CDR2L: variants seen among roughly 807,000 people sequenced by gnomAD.
CDR2L encodes cerebellar degeneration related protein 2 like.
Under a neutral mutation model 36.1 loss-of-function variants are expected in CDR2L, and 19 were observed. The ratio of observed to expected loss-of-function variants is 0.53; its 90% confidence interval spans 0.37 to 0.77. The LOEUF is 0.77. Among genes scored for constraint, CDR2L ranks in the 30% least tolerant of loss-of-function variants. The probability of loss-of-function intolerance (pLI) is 0.00; values close to 1 mark genes in which losing one functional copy is unlikely to be tolerated. For synonymous variants in CDR2L, 285 were observed against 280.4 expected, an observed-to-expected ratio of 1.02 and a Z score of -0.16; for missense variants, 575 against 627.2, an observed-to-expected ratio of 0.92 and a Z score of 0.89.
In CDR2L at chr17:75,002,276, G is replaced by A. The variant is rs1184484453; in HGVS notation, c.506+48G>A. 1.3e-6 allele frequency: 2 copies of A among 1,542,826 alleles called. No homozygotes were observed. Among genetic ancestry groups the A allele is most frequent in the Non-Finnish European group, 1.8e-6 (2 of 1,135,642 alleles). ...GTCTCTGGGATTGCCAGCCATGGGA[G>A]GAAGGAGAGGCAGCAGGCAGCAGGG... is the stretch of plus-strand genomic sequence containing the variant. On this transcript the variant is annotated intron_variant, in intron 4 of 4. Coordinates refer to ENST00000337231, the MANE Select transcript of CDR2L (RefSeq NM_014603.3). The surrounding 1 kb of genome is among the most constrained non-coding windows in gnomAD (Gnocchi z 4.1).
At position 75,004,145 on chromosome 17, in the gene CDR2L, C is replaced by G. The variant is rs943209281; in HGVS notation, c.*71C>G. 7.2e-7 allele frequency: 1 copy of G among 1,379,754 alleles called. No homozygotes were observed. Among genetic ancestry groups the G allele is most frequent in the Non-Finnish European group, 9.8e-7 (1 of 1,023,710 alleles). 85.5% of individuals were successfully genotyped at this position (1,379,754 alleles called of 1,614,324 possible). A position where few individuals can be genotyped will look rare whatever the true frequency, so the allele number is the denominator to read the frequency against. On this transcript the variant is annotated 3_prime_UTR_variant, in exon 5 of 5. Transcript: ENST00000337231. The stretch of plus-strand genomic sequence containing the variant: ...CCCTCAGGCCTGGGCGGTGCAGCTT[C>G]CAGAGAGCGAGCGCCCTTTAGCGGC...
Position 75,001,582 on chromosome 17 carries a change from G to A in CDR2L, c.341+93G>A, listed in dbSNP as rs2039867536. On this transcript the variant is annotated intron_variant, in intron 3 of 4. Coordinates refer to ENST00000337231, the MANE Select transcript of CDR2L (RefSeq NM_014603.3). ...CCATGGACTGATGGGTGTGACTTGT[G>A]CACGTCTCCCTAGGAACCGGGGATG... The A allele has an allele frequency of 3.4e-6, 4 of 1,176,704 alleles. No individual in the cohort carries two copies. In the Admixed American group the frequency reaches 1.0e-4, roughly 30 times the overall value. The allele number at this position is 1,176,704 out of a possible 1,614,324, so 72.9% of individuals were successfully genotyped here. A position where few individuals can be genotyped will look rare whatever the true frequency, so the allele number is the denominator to read the frequency against.
chr17:75,003,454 G>T lies in CDR2L; in HGVS notation c.778G>T (p.Ala260Ser). 1 of 1,577,630 alleles carries T rather than the reference G, an allele frequency of 6.3e-7. No homozygotes were observed. Among genetic ancestry groups the T allele is most frequent in the South Asian group, 1.2e-5 (1 of 85,848 alleles). The change falls in exon 5 of 5, where the codon GCC (alanine) becomes TCC (serine). Residue 260 changes from alanine (A) to serine (S), a missense_variant. Ala to Ser is a moderately conservative substitution (Grantham distance 99, BLOSUM62 1). Coordinates refer to ENST00000337231, the MANE Select transcript of CDR2L (RefSeq NM_014603.3). ...GCTGGAGCTGCAGCAGATGAAGCAG[G>T]CCAAGACCTACCTACTGGGTCCGGA... ...ELLELQQMKQ[A>S]KTYLLGPDDH...
In CDR2L at chr17:74,999,497, A is replaced by C; in HGVS notation, c.80-7A>C. 3.9e-6 allele frequency: 6 copies of C among 1,550,586 alleles called. No homozygotes were observed. The highest frequency in any genetic ancestry group is 5.2e-6 in the Non-Finnish European group (6 of 1,143,208). On this transcript the variant is annotated splice_region_variant and splice_polypyrimidine_tract_variant and intron_variant, in intron 1 of 4. Coordinates refer to ENST00000337231, the MANE Select transcript of CDR2L (RefSeq NM_014603.3). Reference sequence around the variant, plus strand: ...TTGTTCTCATGCTCGTGTTTCTCCTATCCTAGACTTGCACCTAGCTGCGGA... The same window carrying C: ...TTGTTCTCATGCTCGTGTTTCTCCTCTCCTAGACTTGCACCTAGCTGCGGA...
In CDR2L at chr17:75,002,372, G is replaced by C. The variant is rs546866605; in HGVS notation, c.506+144G>C. 2.8e-6 allele frequency: 2 copies of C among 704,052 alleles called. No homozygotes were observed. The highest frequency in any genetic ancestry group is 3.7e-5 in the African/African-American group (2 of 54,480). 43.6% of individuals were successfully genotyped at this position (704,052 alleles called of 1,614,324 possible). A position where few individuals can be genotyped will look rare whatever the true frequency, so the allele number is the denominator to read the frequency against. On this transcript the variant is annotated intron_variant, in intron 4 of 4. Coordinates refer to ENST00000337231, the MANE Select transcript of CDR2L (RefSeq NM_014603.3). The surrounding 1 kb of genome is among the most constrained non-coding windows in gnomAD (Gnocchi z 4.1). The stretch of plus-strand genomic sequence containing the variant: ...GCTAATGACAGTCACAGCAGCTGGC[G>C]TTTACTGAGCCCTGGCTGTGTGCTG...
At position 75,002,504 on chromosome 17, in the gene CDR2L, G is replaced by A. The variant is rs997792842; in HGVS notation, c.506+276G>A. On this transcript the variant is annotated intron_variant, in intron 4 of 4. Coordinates refer to ENST00000337231, the MANE Select transcript of CDR2L (RefSeq NM_014603.3). The surrounding 1 kb of genome is among the most constrained non-coding windows in gnomAD (Gnocchi z 4.1). ...CCAGAGGTTGTGTGTCTTATCCAAG[G>A]TCACCTGTTTAGTAAGAGGCTCAGC... is the stretch of plus-strand genomic sequence containing the variant. 1.3e-5 allele frequency among the ~76,000 whole-genome samples: 2 copies of A among 152,192 alleles called. No individual in the cohort carries two copies. Among genetic ancestry groups the A allele is most frequent in the Non-Finnish European group, 2.9e-5 (2 of 68,038 alleles).
At chr17:74,992,349 T>G (rs1344162889) in intron 1 of CDR2L, among the ~76,000 whole-genome samples, 2 of 151,700 alleles carry the variant, frequency 1.3e-5, no homozygotes, top group Non-Finnish European at 2.9e-5. Context: ...CAACCCAGAC[T>G]TAATGTTGTT....
intron 1 of CDR2L, among the ~76,000 whole-genome samples, chr17:74,997,196 A>C (rs529051851): frequency 6.6e-6 from 1 of 150,476 alleles, no homozygotes; most frequent in South Asian, 2.1e-4. Flanking sequence ...CTTCTGCCTC[A>C]GCCTCCCAAG....
Position 75,004,242 on chromosome 17 carries a change from C to T in CDR2L, c.*168C>T, listed in dbSNP as rs1418806819. Reference sequence around the variant, plus strand: ...TTCCCTGCTGAGCGGAGGCAGCCCACCTGTCCTGCCTCCCAGGAGCCCTTG... The same window carrying T: ...TTCCCTGCTGAGCGGAGGCAGCCCATCTGTCCTGCCTCCCAGGAGCCCTTG... On this transcript the variant is annotated 3_prime_UTR_variant, in exon 5 of 5. Coordinates refer to ENST00000337231, the MANE Select transcript of CDR2L (RefSeq NM_014603.3). The T allele has an allele frequency of 3.2e-6, 2 of 617,674 alleles. No homozygotes were observed. Among genetic ancestry groups the T allele is most frequent in the Non-Finnish European group, 5.5e-6 (2 of 360,438 alleles). 38.3% of individuals were successfully genotyped at this position (617,674 alleles called of 1,614,324 possible).
chr17:75,001,553 G>C (rs3765123), intron 3 of CDR2L, 64 bp downstream of exon 3: 1 of 1,395,202 alleles, frequency 7.2e-7, no homozygotes, highest in African/African-American at 1.5e-5. Flanking sequence ...GTGTACACAG[G>C]GGCCCATGGA....
chr17:74,994,471 T>C (rs1021193001), intron 1 of CDR2L, among the ~76,000 whole-genome samples: 1 of 152,306 alleles, frequency 6.6e-6, no homozygotes, highest in Admixed American at 6.5e-5. Context: ...GTCCCAGGAA[T>C]TGTATTTCTA....
chr17:75,003,418 G>A lies in CDR2L; in HGVS notation c.742G>A (p.Glu248Lys), dbSNP rs1317262864. 1.3e-6 allele frequency: 2 copies of A among 1,574,366 alleles called. No homozygotes were observed. Among genetic ancestry groups the A allele is most frequent in the African/African-American group, 1.4e-5 (1 of 73,908 alleles). Residue 248 changes from glutamate to lysine, a missense_variant, in exon 5 of 5, where the codon GAG becomes AAG. By Grantham distance (56) the Glu-to-Lys change is moderately conservative (BLOSUM62 1). Transcript: ENST00000337231. ...CTGTCGCCTGCGTGTGCAGGAGCTG[G>A]AGGCCGAGCTGCTGGAGCTGCAGCA... Reference protein sequence around the residue: ...EACRLRVQELEAELLELQQMK... With the variant: ...EACRLRVQELKAELLELQQMK...
intron 4 of CDR2L, 131 bp from the exon 5 acceptor site, chr17:75,003,052 G>A (rs1234864715): frequency 1.1e-5 from 11 of 975,616 alleles, no homozygotes; most frequent in Admixed American, 2.7e-5. Flanking sequence ...CAACGGAGAG[G>A]GGCAAACAAT....
In CDR2L at chr17:75,005,399, G is replaced by T. The variant is rs1598660407; in HGVS notation, c.*1325G>T. On this transcript the variant is annotated 3_prime_UTR_variant, in exon 5 of 5. Coordinates refer to ENST00000337231, the MANE Select transcript of CDR2L (RefSeq NM_014603.3). The surrounding 1 kb of genome is among the most constrained non-coding windows in gnomAD (Gnocchi z 4.2). ...AGCCATACAGTCAGTGGAAGGCGGG[G>T]GGGCCCTGGCCTCTGCACCGGGATC... 6.5e-6 allele frequency: 1 copy of T among 152,782 alleles called. No individual in the cohort carries two copies. Among genetic ancestry groups the T allele is most frequent in the Admixed American group, 6.5e-5 (1 of 15,280 alleles). 9.5% of individuals were successfully genotyped at this position (152,782 alleles called of 1,614,324 possible). A position where few individuals can be genotyped will look rare whatever the true frequency, so the allele number is the denominator to read the frequency against.
chr17:75,003,284 G>A lies in CDR2L; in HGVS notation c.608G>A (p.Arg203His), dbSNP rs1420451259. The A allele has an allele frequency of 5.8e-6, 9 of 1,556,020 alleles. No individual in the cohort carries two copies. The highest frequency in any genetic ancestry group is 1.8e-4 in the Middle Eastern group (1 of 5,518). Residue 203 changes from arginine to histidine, a missense_variant, in exon 5 of 5, where the codon CGC (arginine) becomes CAC (histidine). Transcript: ENST00000337231. ...CTGCAGACCCTGGTGGGGGCGCTGC[G>A]CTCCCAGGTGAGCCAGGAGCGGCAG... is the stretch of plus-strand genomic sequence containing the variant. ...ERLQTLVGAL[R>H]SQVSQERQRK... is the part of the protein sequence containing the mutation.
rs907656641 is a variant in CDR2L, at chr17:75,003,722, G to T, written c.1046G>T (p.Gly349Val). The T allele has an allele frequency of 4.1e-6, 6 of 1,470,498 alleles. No homozygotes were observed. Among genetic ancestry groups the T allele is most frequent in the African/African-American group, 1.4e-5 (1 of 70,560 alleles). 91.1% of individuals were successfully genotyped at this position (1,470,498 alleles called of 1,614,324 possible). The change falls in exon 5 of 5, where the codon GGC (glycine) becomes GTC (valine). Residue 349 changes from glycine to valine, a missense_variant. Transcript: ENST00000337231. ...TLHANSVRKRGMSILREVDEQ... is the reference protein window; with the variant it reads ...TLHANSVRKRVMSILREVDEQ... ...CACGCCAACAGCGTGCGCAAGCGGGGCATGTCCATCCTGCGGGAGGTGGAC... is the reference window on the plus strand; with the variant it reads ...CACGCCAACAGCGTGCGCAAGCGGGTCATGTCCATCCTGCGGGAGGTGGAC...
chr17:75,005,208 C>T lies in CDR2L; in HGVS notation c.*1134C>T, dbSNP rs1366384403. Reference sequence around the variant, plus strand: ...AAAATGCCTGCTCTTCACCTCCCACCTTTGTGGGGGGCTTTTGAGGACCCA... The same window carrying T: ...AAAATGCCTGCTCTTCACCTCCCACTTTTGTGGGGGGCTTTTGAGGACCCA... On this transcript the variant is annotated 3_prime_UTR_variant, in exon 5 of 5. Transcript: ENST00000337231. This position sits in a 1 kb window ranked among gnomAD's most constrained non-coding sequence, Gnocchi z 4.2. 2.0e-5 allele frequency: 3 copies of T among 152,370 alleles called. No homozygotes were observed. The highest frequency in any genetic ancestry group is 7.2e-5 in the African/African-American group (3 of 41,452). The allele number at this position is 152,370 out of a possible 1,614,324, so 9.4% of individuals were successfully genotyped here.
rs553411592 is a variant in CDR2L at position 74,997,405 on chromosome 17, G to A, written c.80-2099G>A. 1.2e-4 allele frequency among the ~76,000 whole-genome samples: 18 copies of A among 152,130 alleles called. No individual in the cohort carries two copies. The East Asian group carries it at 2.9e-3, about 25-fold the overall frequency. ...CTATCCACCCTTCAAAGTCCAACTC[G>A]AAAGCTGTCCATTTGCCTGAGCCTC... On this transcript the variant is annotated intron_variant, in intron 1 of 4. Transcript: ENST00000337231.
chr17:75,003,407 T>A lies in CDR2L; in HGVS notation c.731T>A (p.Val244Glu), dbSNP rs1338519939. Residue 244 changes from valine (V) to glutamate (E), a missense_variant, in exon 5 of 5, where the codon GTG (valine) becomes GAG (glutamate). Transcript: ENST00000337231. ...LCEMEACRLR[V>E]QELEAELLEL... is the part of the protein sequence containing the mutation. ...GAGATGGAGGCCTGTCGCCTGCGTG[T>A]GCAGGAGCTGGAGGCCGAGCTGCTG... 6.4e-7 allele frequency: 1 copy of A among 1,571,030 alleles called. No homozygotes were observed. Among genetic ancestry groups the A allele is most frequent in the African/African-American group, 1.4e-5 (1 of 73,914 alleles).
Sources: allele counts gnomAD v4.1 joint callset (sites outside exome capture counted in the v4.1 genomes callset), GRCh38; gene constraint gnomAD v4.1.1; non-coding constraint Gnocchi (gnomAD v3.1); transcripts MANE v1.5; gene names NCBI Gene and HGNC (gene_info 2026-07-23, HGNC 2026-07-21).